Variants in ERC1 observed in about 807,000 individuals in gnomAD.
ERC1 encodes the protein ELKS/RAB6-interacting/CAST family member 1.
In ERC1, 56 loss-of-function variants were observed where a neutral mutation model predicts 132.0. That is an observed-to-expected ratio of 0.42 (90% CI 0.34 to 0.53). The LOEUF is 0.53. ERC1 is among the 20% of genes least tolerant of loss of function. ERC1 has a pLI of 0.03. For synonymous variants in ERC1, 478 were observed against 476.1 expected, an observed-to-expected ratio of 1.00 and a Z score of -0.05; for missense variants, 1,202 against 1,349.9, an observed-to-expected ratio of 0.89 and a Z score of 1.72.
chr12:1,158,606 T>C (rs1951610439), intron 8 of ERC1, among the ~76,000 whole-genome samples: 1 of 125,680 alleles, frequency 8.0e-6, no homozygotes, highest in Non-Finnish European at 1.6e-5. Context: ...ATTTTTCTTT[T>C]CTTTTTTTTT....
At chr12:1,356,570 C>G (rs562866956) in intron 15 of ERC1, among the ~76,000 whole-genome samples, 1 of 152,102 alleles carries the variant, frequency 6.6e-6, no homozygotes, top group Non-Finnish European at 1.5e-5. Context: ...AAGGAGAGAA[C>G]CTTCAAATTA....
At chr12:1,139,759 AG>A (rs1400982028) in intron 7 of ERC1, among the ~76,000 whole-genome samples, 1 of 151,372 alleles carries the variant, frequency 6.6e-6, no homozygotes, top group Non-Finnish European at 1.5e-5. Context: ...TTAAGCTGGG[AG>A]GAAAACAAAA....
chr12:1,376,946 A>G (rs1157859187), intron 16 of ERC1, among the ~76,000 whole-genome samples: 1 of 152,126 alleles, frequency 6.6e-6, no homozygotes, highest in Non-Finnish European at 1.5e-5. Context: ...TCATCCCAGC[A>G]CTACTTCCTT....
At chr12:1,210,010 G>A (rs1311853675) in intron 12 of ERC1, among the ~76,000 whole-genome samples, 1 of 152,204 alleles carries the variant, frequency 6.6e-6, no homozygotes, top group East Asian at 1.9e-4. Context: ...ATTTCAGGAT[G>A]TTAGAGCAAA....
At chr12:1,009,100 T>C (rs548578398) in intron 1 of ERC1, among the ~76,000 whole-genome samples, 1 of 152,270 alleles carries the variant, frequency 6.6e-6, no homozygotes, top group East Asian at 1.9e-4. Flanking sequence ...TGGTGCTCCA[T>C]TTAAAACAAA....
chr12:1,394,217 G>T (rs11061747), intron 16 of ERC1, among the ~76,000 whole-genome samples: 1 of 149,548 alleles, frequency 6.7e-6, no homozygotes, highest in Non-Finnish European at 1.5e-5. Flanking sequence ...TGGCTAACAC[G>T]GTGAAACCCC....
At chr12:1,062,947 TTA>T (rs750274909) in intron 2 of ERC1, among the ~76,000 whole-genome samples, 30 of 152,232 alleles carry the variant, frequency 2.0e-4, no homozygotes, top group Non-Finnish European at 3.8e-4. Flanking sequence ...CCCTTTATCA[TTA>T]TATAATGTCC....
At chr12:1,387,438 G>T (rs116315047) in intron 16 of ERC1, among the ~76,000 whole-genome samples, 258 of 152,206 alleles carry the variant, frequency 1.7e-3, no homozygotes, top group African/African-American at 5.9e-3. Context: ...TTATGTCCAC[G>T]TCCAGTTTCT....
At chr12:1,281,152 C>T (rs940148212) in intron 14 of ERC1, among the ~76,000 whole-genome samples, 12 of 152,096 alleles carry the variant, frequency 7.9e-5, no homozygotes, top group Non-Finnish European at 1.5e-4. Context: ...AGAAGAAGGG[C>T]TGAATCCCTA....
At chr12:1,033,027 C>T (rs2154153505) in intron 2 of ERC1, among the ~76,000 whole-genome samples, 1 of 151,666 alleles carries the variant, frequency 6.6e-6, no homozygotes, top group South Asian at 2.1e-4. Flanking sequence ...TGTGTGCCAC[C>T]ATGCCTGGCT....
chr12:1,277,728 T>C (rs2154334992), intron 14 of ERC1, among the ~76,000 whole-genome samples: 1 of 152,358 alleles, frequency 6.6e-6, no homozygotes, highest in East Asian at 1.9e-4. Flanking sequence ...TTTACTGGTT[T>C]CTGCAGAAGT....
intron 8 of ERC1, among the ~76,000 whole-genome samples, chr12:1,160,219 T>C (rs980268191): frequency 3.1e-4 from 47 of 152,224 alleles, no homozygotes; most frequent in African/African-American, 9.9e-4. Context: ...CTGTATACTT[T>C]CGTATAGACA....
chr12:1,138,390 CATAAT>C (rs1949561984), intron 7 of ERC1, among the ~76,000 whole-genome samples: 3 of 139,210 alleles, frequency 2.2e-5, no homozygotes, highest in South Asian at 4.4e-4. Context: ...ATATGTAATA[CATAAT>C]ATATGTTATA....
At chr12:1,480,798 G>C in intron 18 of ERC1, 1 of 702,192 alleles carries the variant, frequency 1.4e-6, no homozygotes. Context: ...ACCTTTTAGG[G>C]GAAGTTTCAG....
intron 12 of ERC1, among the ~76,000 whole-genome samples, chr12:1,213,952 A>G (rs973206104): frequency 1.3e-5 from 2 of 152,112 alleles, no homozygotes; most frequent in African/African-American, 4.8e-5. Flanking sequence ...AAAAAAGGAA[A>G]TGAATCCATA....
intron 16 of ERC1, among the ~76,000 whole-genome samples, chr12:1,398,225 C>G (rs183035155): frequency 6.6e-6 from 1 of 152,092 alleles, no homozygotes; most frequent in African/African-American, 2.4e-5. Flanking sequence ...CTCAAGTGAT[C>G]CTCCCTCCTC....
At chr12:1,270,565 A>C (rs1437974891) in intron 14 of ERC1, among the ~76,000 whole-genome samples, 1 of 152,072 alleles carries the variant, frequency 6.6e-6, no homozygotes, top group East Asian at 1.9e-4. Flanking sequence ...AACTAATAAA[A>C]GTATAAAAGT....
intron 16 of ERC1, among the ~76,000 whole-genome samples, chr12:1,403,385 C>T (rs1342030390): frequency 6.6e-6 from 1 of 152,150 alleles, no homozygotes; most frequent in East Asian, 1.9e-4. Context: ...TTGGTCTTAT[C>T]TTGAGAAGAG....
intron 15 of ERC1, among the ~76,000 whole-genome samples, chr12:1,327,677 C>T (rs1161266971): frequency 2.6e-5 from 4 of 152,114 alleles, no homozygotes; most frequent in African/African-American, 4.8e-5. Context: ...TGGCATCAGC[C>T]GCTATTAATA....
Sources: gnomAD v4.1 joint callset for allele counts (sites outside exome capture counted in the v4.1 genomes callset) on GRCh38, gnomAD v4.1.1 for gene constraint, MANE v1.5 for transcripts, NCBI Gene and HGNC (gene_info 2026-07-23, HGNC 2026-07-21) for gene names.